Variants in AFF2 observed in about 807,000 individuals in gnomAD.
The protein encoded by AFF2 is ALF transcription elongation factor 2.
A neutral mutation model predicts 76.9 loss-of-function variants in AFF2; 14 were observed. That is an observed-to-expected ratio of 0.18 (90% CI 0.12 to 0.28). The LOEUF is 0.28. AFF2 is among the 10% of genes least tolerant of loss of function. AFF2 has a pLI of 1.00. For synonymous variants in AFF2, 398 were observed against 366.7 expected (o/e 1.09, Z -0.98); for missense variants, 868 against 1,001.1 (o/e 0.87, Z 1.79).
At chrX:148,648,608 TAGAG>T (rs2054171161) in intron 1 of AFF2, among the ~76,000 whole-genome samples, 1 of 96,952 alleles carries the variant, frequency 1.0e-5, no homozygotes, top group Admixed American at 1.1e-4. Flanking sequence ...AATCCTATGA[TAGAG>T]AGAAGCTTCT....
intron 9 of AFF2, among the ~76,000 whole-genome samples, chrX:148,914,037 T>C (rs2124239930): frequency 9.0e-6 from 1 of 111,587 alleles, no homozygotes; most frequent in African/African-American, 3.3e-5. Flanking sequence ...CACACACTGG[T>C]AGGGAAAGAC....
intron 9 of AFF2, among the ~76,000 whole-genome samples, chrX:148,950,761 A>G (rs782755353): frequency 8.9e-6 from 1 of 112,014 alleles, no homozygotes; most frequent in South Asian, 3.7e-4. Context: ...TATGTTTAAA[A>G]CAGTTTTAAT....
rs141463711 is a variant in AFF2, at chrX:148,961,496, G to A, written c.2691-1219G>A. On this transcript the variant is annotated intron_variant, in intron 12 of 20. Transcript: ENST00000370460. ...TTGAGGTAATGACAGAAACAGTTGCGTTTTTTCAGTTTCGCTACACAACAA... is the reference window on the plus strand; with the variant it reads ...TTGAGGTAATGACAGAAACAGTTGCATTTTTTCAGTTTCGCTACACAACAA... Among the ~76,000 whole-genome samples, 155 of 111,873 alleles carry A rather than the reference G, an allele frequency of 1.4e-3. 1 individual carries two copies. The East Asian group carries it at 0.036, about 26-fold the overall frequency.
intron 3 of AFF2, among the ~76,000 whole-genome samples, chrX:148,768,017 G>A (rs1054828760): frequency 9.3e-6 from 1 of 108,052 alleles, no homozygotes; most frequent in Non-Finnish European, 1.9e-5. Context: ...AGGCTGACTG[G>A]TGCCTACTGC....
chrX:148,950,443 A>T (rs1557286493), intron 9 of AFF2, among the ~76,000 whole-genome samples: 1 of 112,056 alleles, frequency 8.9e-6, no homozygotes, highest in East Asian at 2.8e-4. Context: ...CCAACTGTGC[A>T]ACTTCCCGGA....
chrX:148,578,563 A>G (rs1557243859), intron 1 of AFF2, among the ~76,000 whole-genome samples: 1 of 111,665 alleles, frequency 9.0e-6, no homozygotes, highest in Admixed American at 9.5e-5. Flanking sequence ...CTATCCTCAG[A>G]CCTTTGTACA....
chrX:148,591,268 T>G (rs1557246597), intron 1 of AFF2, among the ~76,000 whole-genome samples: 1 of 111,802 alleles, frequency 8.9e-6, no homozygotes, highest in Non-Finnish European at 1.9e-5. Context: ...ACTGTTTACA[T>G]GGAAGGAACA....
intron 7 of AFF2, among the ~76,000 whole-genome samples, chrX:148,867,466 G>A (rs1271008158): frequency 1.8e-5 from 2 of 112,404 alleles, no homozygotes; most frequent in Non-Finnish European, 3.8e-5. Flanking sequence ...TCTAAGCAAG[G>A]CCTTTTGTTT....
At chrX:148,651,970 C>T (rs2124456747) in intron 1 of AFF2, 29 bp from the exon 2 acceptor site, 1 of 1,125,440 alleles carries the variant, frequency 8.9e-7, no homozygotes, top group Non-Finnish European at 1.2e-6. Context: ...TAATCTTTTT[C>T]TCTTTTTGTC....
intron 1 of AFF2, among the ~76,000 whole-genome samples, chrX:148,523,867 G>A (rs1414094893): frequency 9.0e-6 from 1 of 111,621 alleles, no homozygotes; most frequent in Non-Finnish European, 1.9e-5. Context: ...TAGGGTAATC[G>A]TGTAGGCAGG....
At chrX:148,566,982 C>A (rs1268696700) in intron 1 of AFF2, among the ~76,000 whole-genome samples, 2 of 111,552 alleles carry the variant, frequency 1.8e-5, no homozygotes, top group African/African-American at 6.5e-5. Context: ...TGTGTAATGC[C>A]TGTCTGCCAT....
rs782361109 is a variant in AFF2, at chrX:148,732,725, G to A, written c.1041+69957G>A. ...TAGTACCTGCTTCACCAGCCTCTCA[G>A]CATTGCTTAGAGGGCCAGAGGAGGT... On this transcript the variant is annotated intron_variant, in intron 3 of 20. Coordinates refer to ENST00000370460, the MANE Select transcript of AFF2 (RefSeq NM_002025.4). Among the ~76,000 whole-genome samples, 10 of 109,468 alleles carry A rather than the reference G, an allele frequency of 9.1e-5. No individual in the cohort carries two copies. In the East Asian group the frequency reaches 2.9e-3, roughly 32 times the overall value.
chrX:148,825,429 T>C (rs1208256779), intron 4 of AFF2, among the ~76,000 whole-genome samples: 2 of 112,166 alleles, frequency 1.8e-5, no homozygotes, highest in Non-Finnish European at 3.8e-5. Context: ...GTGACTCTTC[T>C]TGTTATTCAG....
chrX:148,930,014 C>T (rs993488749), intron 9 of AFF2, among the ~76,000 whole-genome samples: 4 of 111,823 alleles, frequency 3.6e-5, no homozygotes, highest in African/African-American at 9.8e-5. Flanking sequence ...GTGTTTCTAA[C>T]TCTGTGGCCT....
intron 1 of AFF2, among the ~76,000 whole-genome samples, chrX:148,592,445 C>T (rs982890869): frequency 9.2e-6 from 1 of 108,430 alleles, no homozygotes; most frequent in Non-Finnish European, 1.9e-5. Flanking sequence ...TTATTATTCT[C>T]ATGACCATGG....
chrX:148,750,489 C>A (rs2055484867), intron 3 of AFF2, among the ~76,000 whole-genome samples: 2 of 111,326 alleles, frequency 1.8e-5, no homozygotes, highest in African/African-American at 6.5e-5. Context: ...CATTTCAGTA[C>A]TTTAACTTTG....
intron 3 of AFF2, among the ~76,000 whole-genome samples, chrX:148,708,645 C>T (rs190616482): frequency 1.7e-3 from 191 of 112,007 alleles, no homozygotes; most frequent in Admixed American, 3.9e-3. Flanking sequence ...ACCTGGGAGG[C>T]GGAGGTTGCA....
intron 3 of AFF2, among the ~76,000 whole-genome samples, chrX:148,781,142 C>T (rs55737311): frequency 0.093 from 10,357 of 111,525 alleles, 537 homozygotes; most frequent in Non-Finnish European, 0.14. Flanking sequence ...GAAGGGCACC[C>T]GCCAGATTCC....
At chrX:148,707,016 T>A (rs1159093389) in intron 3 of AFF2, among the ~76,000 whole-genome samples, 1 of 112,194 alleles carries the variant, frequency 8.9e-6, no homozygotes, top group Non-Finnish European at 1.9e-5. Flanking sequence ...CTCATAGTAA[T>A]GGCTTTGGAC....
Sources: allele counts gnomAD v4.1 joint callset (sites outside exome capture counted in the v4.1 genomes callset), GRCh38; gene constraint gnomAD v4.1.1; transcripts MANE v1.5; gene names NCBI Gene and HGNC (gene_info 2026-07-23, HGNC 2026-07-21).